Variants in RAP1A observed in about 807,000 individuals in gnomAD.
RAP1A encodes ras-related protein Rap-1A.
RAP1A carries 6 observed loss-of-function variants against 26.4 expected under a neutral mutation model. The observed-to-expected ratio is 0.23, with a 90% CI of 0.12 to 0.45. The LOEUF (loss-of-function observed/expected upper bound fraction) is 0.45, where lower values mean the gene tolerates loss of function less well. RAP1A is among the 20% of genes least tolerant of loss of function. RAP1A has a pLI of 0.99. For missense variants in RAP1A, 121 were observed against 217.2 expected (o/e 0.56, Z 2.78); for synonymous variants, 73 against 79.4 (o/e 0.92, Z 0.43).
At chr1:111,590,046 A>G (rs1223294263) in intron 1 of RAP1A, among the ~76,000 whole-genome samples, 1 of 152,232 alleles carries the variant, frequency 6.6e-6, no homozygotes. Flanking sequence ...TTGGGATTAC[A>G]GGCGTGAGCC....
chr1:111,689,889 G>C (rs981595771), intron 1 of RAP1A, among the ~76,000 whole-genome samples: 8 of 152,120 alleles, frequency 5.3e-5, no homozygotes, highest in Admixed American at 3.9e-4. Context: ...TGGTAGCCAG[G>C]ATGGTCTCGA....
chr1:111,642,947 T>C (rs1249721206), intron 1 of RAP1A, among the ~76,000 whole-genome samples: 1 of 152,020 alleles, frequency 6.6e-6, no homozygotes, highest in Non-Finnish European at 1.5e-5. Context: ...TTTTTTGTTA[T>C]TATTAGTAGA....
upstream of RAP1A, among the ~76,000 whole-genome samples, chr1:111,617,742 C>T (rs1168799774): frequency 6.7e-6 from 1 of 149,216 alleles, no homozygotes; most frequent in Non-Finnish European, 1.5e-5. Flanking sequence ...CCCAATTTTA[C>T]CTCTCTAAAG....
intron 1 of RAP1A, among the ~76,000 whole-genome samples, chr1:111,651,178 T>A (rs1409821118): frequency 6.6e-6 from 1 of 152,174 alleles, no homozygotes; most frequent in Non-Finnish European, 1.5e-5. Flanking sequence ...TTTGCTTGTT[T>A]TGGCTATATA....
chr1:111,710,427 T>TA (rs1363087587), intron 7 of RAP1A, among the ~76,000 whole-genome samples: 2 of 152,366 alleles, frequency 1.3e-5, no homozygotes, highest in African/African-American at 4.8e-5. Context: ...GGTTTCTACT[T>TA]AATCAGTTCT....
Position 111,703,464 on chromosome 1 carries a change from G to A in RAP1A, c.312G>A (p.Lys104=). The A allele has an allele frequency of 3.8e-6, 6 of 1,590,962 alleles. No individual in the cohort carries two copies. In the Middle Eastern group the frequency reaches 6.7e-4, roughly 178 times the overall value. ...TGAGGGAACAGATTTTACGGGTTAA[G>A]GACACGGAAGATGTAAGTATTTTTT... ...QDLREQILRV[K]DTEDVPMILV... is the part of the protein sequence containing the mutation. Residue 104 remains lysine (K), a synonymous_variant, in exon 5 of 8, where the codon AAG becomes AAA. Transcript: ENST00000369709.
chr1:111,659,196 C>A (rs1660555681), intron 1 of RAP1A, among the ~76,000 whole-genome samples: 1 of 152,036 alleles, frequency 6.6e-6, no homozygotes, highest in South Asian at 2.1e-4. Context: ...GGATATAGTA[C>A]CAAACCTTAT....
At chr1:111,583,548 A>C (rs1658303539) in intron 1 of RAP1A, among the ~76,000 whole-genome samples, 2 of 151,984 alleles carry the variant, frequency 1.3e-5, no homozygotes, top group Admixed American at 1.3e-4. Flanking sequence ...ACTCCAGTTT[A>C]TTTTTAAAAT....
chr1:111,665,488 A>C (rs1302391681), intron 1 of RAP1A, among the ~76,000 whole-genome samples: 1 of 152,218 alleles, frequency 6.6e-6, no homozygotes, highest in Non-Finnish European at 1.5e-5. Context: ...CAACCTAGAA[A>C]GTATTAGTCA....
At chr1:111,691,270 G>A in intron 1 of RAP1A, 64 bp from the exon 2 acceptor site, 1 of 1,185,674 alleles carries the variant, frequency 8.4e-7, no homozygotes, top group Non-Finnish European at 1.2e-6. Flanking sequence ...GTTTGATGCA[G>A]TAGTGTACAT....
chr1:111,631,411 C>A (rs1432641268), intron 1 of RAP1A, among the ~76,000 whole-genome samples: 4 of 152,100 alleles, frequency 2.6e-5, no homozygotes. Context: ...GAGAAGGGAA[C>A]TCATATGTTT....
chr1:111,652,831 A>T (rs1368556762), intron 1 of RAP1A, among the ~76,000 whole-genome samples: 4 of 152,188 alleles, frequency 2.6e-5, no homozygotes, highest in Non-Finnish European at 5.9e-5. Flanking sequence ...AAAGTTAAAC[A>T]TATGCTAAAG....
At chr1:111,704,242 T>G in intron 5 of RAP1A, 101 bp from the exon 6 acceptor site, 2 of 1,260,362 alleles carry the variant, frequency 1.6e-6, no homozygotes, top group South Asian at 3.0e-5. Flanking sequence ...CGGTCCCAAC[T>G]AATGCATTTC....
intron 1 of RAP1A, among the ~76,000 whole-genome samples, chr1:111,679,299 C>G (rs2101203596): frequency 6.6e-6 from 1 of 152,244 alleles, no homozygotes. Flanking sequence ...CAGCGAACTC[C>G]CTCCCCTAGC....
At chr1:111,570,481 G>A (rs1466755725) in intron 1 of RAP1A, among the ~76,000 whole-genome samples, 2 of 152,160 alleles carry the variant, frequency 1.3e-5, no homozygotes, top group African/African-American at 4.8e-5. Context: ...GATGCCAAAT[G>A]TGGGGGAGCA....
At chr1:111,710,621 A>G (rs946526326) in intron 7 of RAP1A, among the ~76,000 whole-genome samples, 3 of 152,220 alleles carry the variant, frequency 2.0e-5, no homozygotes, top group Admixed American at 6.5e-5. Context: ...AGAGCTCCCA[A>G]TTAACTACTG....
At chr1:111,689,307 C>T (rs1045965274) in intron 1 of RAP1A, among the ~76,000 whole-genome samples, 1 of 151,132 alleles carries the variant, frequency 6.6e-6, no homozygotes, top group African/African-American at 2.4e-5. Context: ...ACCCTTCTAC[C>T]CTTGCTTCTT....
chr1:111,602,883 T>C (rs1658699055), intron 1 of RAP1A, among the ~76,000 whole-genome samples: 1 of 152,202 alleles, frequency 6.6e-6, no homozygotes, highest in South Asian at 2.1e-4. Flanking sequence ...AAGTGAAGTG[T>C]GTGGTCAGGC....
At chr1:111,675,032 C>T (rs535418595) in intron 1 of RAP1A, among the ~76,000 whole-genome samples, 31 of 152,040 alleles carry the variant, frequency 2.0e-4, no homozygotes, top group Non-Finnish European at 3.4e-4. Flanking sequence ...TGACAAATGC[C>T]GAGCTATGTA....
Sources: gnomAD v4.1 joint callset for allele counts (sites outside exome capture counted in the v4.1 genomes callset) on GRCh38, gnomAD v4.1.1 for gene constraint, MANE v1.5 for transcripts, NCBI Gene and HGNC (gene_info 2026-07-23, HGNC 2026-07-21) for gene names.